Variants in MYO10 observed in about 807,000 individuals in gnomAD.
MYO10 encodes unconventional myosin-X.
In MYO10, 133 loss-of-function variants were observed where a neutral mutation model predicts 257.3. That is an observed-to-expected ratio of 0.52 (90% CI 0.45 to 0.60). The LOEUF (loss-of-function observed/expected upper bound fraction) is 0.60, where lower values mean the gene tolerates loss of function less well. MYO10 is among the 20% of genes least tolerant of loss of function. MYO10 has a pLI of 0.00. For synonymous variants in MYO10, 1,104 were observed against 1,028.6 expected, an observed-to-expected ratio of 1.07 and a Z score of -1.40; for missense variants, 2,399 against 2,635.7, an observed-to-expected ratio of 0.91 and a Z score of 1.97.
At chr5:16,698,312 GA>G (rs1225281576) in intron 26 of MYO10, among the ~76,000 whole-genome samples, 1 of 152,162 alleles carries the variant, frequency 6.6e-6, no homozygotes, top group East Asian at 1.9e-4. Flanking sequence ...AGTGAGCCAT[GA>G]CCACACCACT....
intron 19 of MYO10, among the ~76,000 whole-genome samples, chr5:16,747,505 G>C (rs893521914): frequency 2.6e-5 from 4 of 152,178 alleles, no homozygotes; most frequent in African/African-American, 9.7e-5. Flanking sequence ...GGCTGAGACA[G>C]GCCCTGCAGA....
intron 4 of MYO10, among the ~76,000 whole-genome samples, chr5:16,787,935 G>A (rs1741637919): frequency 1.3e-5 from 2 of 152,154 alleles, no homozygotes; most frequent in East Asian, 1.9e-4. Context: ...TGGGATTACA[G>A]GCGCCTGCCA....
rs75480666 is a variant in MYO10 at position 16,903,864 on chromosome 5, T to C, written c.22-26157A>G. Among the ~76,000 whole-genome samples the C allele has an allele frequency of 3.3e-3, 508 of 152,332 alleles. 3 individuals carry two copies. The highest frequency in any genetic ancestry group is 0.012 in the African/African-American group (482 of 41,590). ...CTTAGATGGGAGTGAGGACCTGCGT[T>C]CCATGAGCTGAAGTATTTGAAAATG... On this transcript the variant is annotated intron_variant, in intron 1 of 40. Transcript: ENST00000513610.
intron 26 of MYO10, among the ~76,000 whole-genome samples, chr5:16,698,345 A>G (rs1304738930): frequency 6.6e-6 from 1 of 152,228 alleles, no homozygotes; most frequent in African/African-American, 2.4e-5. Context: ...TGGGTAACAG[A>G]GCAAGACCCT....
rs1221258323 is a variant in MYO10 at position 16,663,511 on chromosome 5, G to A, written c.*3181C>T. ...ACTACAGTCAGCCCTCAGTGTTCAT[G>A]TGGTCTGAATCCAACCACAGATAGA... On this transcript the variant is annotated 3_prime_UTR_variant, in exon 41 of 41. Coordinates refer to ENST00000513610, the MANE Select transcript of MYO10 (RefSeq NM_012334.3). The A allele has an allele frequency of 6.6e-6, 1 of 151,882 alleles. No homozygotes were observed. The highest frequency in any genetic ancestry group is 1.9e-4 in the East Asian group (1 of 5,172). 9.4% of individuals were successfully genotyped at this position (151,882 alleles called of 1,614,324 possible).
chr5:16,706,139 T>C (rs187160014), intron 21 of MYO10, among the ~76,000 whole-genome samples: 88 of 152,222 alleles, frequency 5.8e-4, no homozygotes, highest in Middle Eastern at 3.4e-3. Context: ...GCCAAGATCA[T>C]GCTGCTGCAC....
intron 19 of MYO10, 28 bp from the exon 20 acceptor site, chr5:16,711,273 A>G (rs770623870): frequency 4.4e-6 from 7 of 1,591,302 alleles, no homozygotes; most frequent in Middle Eastern, 1.7e-4. Context: ...AAAAGATGGG[A>G]TACCATTAGA....
At chr5:16,900,268 T>C (rs1455312315) in intron 1 of MYO10, among the ~76,000 whole-genome samples, 1 of 152,224 alleles carries the variant, frequency 6.6e-6, no homozygotes, top group Non-Finnish European at 1.5e-5. Flanking sequence ...GAAAAATATG[T>C]GCTTTCACCT....
intron 19 of MYO10, among the ~76,000 whole-genome samples, chr5:16,723,173 A>AT (rs1739221451): frequency 6.6e-6 from 1 of 152,050 alleles, no homozygotes; most frequent in Non-Finnish European, 1.5e-5. Context: ...TCATGAGGTC[A>AT]GGAGATCGAG....
In MYO10 at chr5:16,668,364, A is replaced by C. The variant is rs1364140369; in HGVS notation, c.5988T>G (p.Tyr1996Ter). 1 of 1,614,012 alleles carries C rather than the reference A, an allele frequency of 6.2e-7. No individual in the cohort carries two copies. The highest frequency in any genetic ancestry group is 2.2e-5 in the East Asian group (1 of 44,866). ...GTGCCCCAAAAGAGAGGATGTGTTCATACTGGAAGACTTCCAGTGGTCTTC... is the reference window on the plus strand; with the variant it reads ...GTGCCCCAAAAGAGAGGATGTGTTCCTACTGGAAGACTTCCAGTGGTCTTC... ...GEGRPLEVFQ[Y>*]EHILSFGAPL... Residue 1996 changes from tyrosine to a stop codon, truncating the protein, a stop_gained, in exon 40 of 41, where the codon TAT becomes TAG. Transcript: ENST00000513610. LOFTEE classifies it high-confidence loss of function.
At chr5:16,752,502 C>T (rs1201946945) in intron 19 of MYO10, among the ~76,000 whole-genome samples, 15 of 152,216 alleles carry the variant, frequency 9.9e-5, no homozygotes, top group African/African-American at 2.2e-4. Context: ...AGGCTGGTTT[C>T]GAATTTCTGA....
intron 2 of MYO10, among the ~76,000 whole-genome samples, chr5:16,834,954 T>C (rs1743267548): frequency 6.6e-6 from 1 of 152,148 alleles, no homozygotes; most frequent in Non-Finnish European, 1.5e-5. Flanking sequence ...GGCAGGCGGA[T>C]CATGAGGTCA....
intron 19 of MYO10, among the ~76,000 whole-genome samples, chr5:16,753,358 G>A (rs1221739414): frequency 3.3e-5 from 5 of 151,854 alleles, no homozygotes; most frequent in African/African-American, 9.7e-5. Context: ...TAGTAGAGAC[G>A]TGGTTTCATC....
chr5:16,793,325 T>C (rs549576987), intron 4 of MYO10, among the ~76,000 whole-genome samples: 2 of 152,080 alleles, frequency 1.3e-5, no homozygotes, highest in Admixed American at 1.3e-4. Flanking sequence ...ATTAAGAAAT[T>C]TTATTTATTT....
chr5:16,913,447 A>G (rs1745728961), intron 1 of MYO10, among the ~76,000 whole-genome samples: 1 of 152,242 alleles, frequency 6.6e-6, no homozygotes, highest in Non-Finnish European at 1.5e-5. Flanking sequence ...TCTAAAGCTC[A>G]AGACTGAATG....
chr5:16,801,284 T>C lies in MYO10; in HGVS notation c.280-6451A>G, dbSNP rs1050783509. On this transcript the variant is annotated intron_variant, in intron 3 of 40. Coordinates refer to ENST00000513610, the MANE Select transcript of MYO10 (RefSeq NM_012334.3). ...GTGCAGTGGTGCAATCTCAGCTTAC[T>C]GCAGCCTCCGCCTCCCGGGTTAAAG... is the stretch of plus-strand genomic sequence containing the variant. Among the ~76,000 whole-genome samples the C allele has an allele frequency of 2.0e-5, 3 of 152,334 alleles. No homozygotes were observed. In the South Asian group the frequency reaches 6.2e-4, roughly 32 times the overall value.
At chr5:16,744,960 C>G (rs1740142855) in intron 19 of MYO10, among the ~76,000 whole-genome samples, 1 of 152,218 alleles carries the variant, frequency 6.6e-6, no homozygotes, top group African/African-American at 2.4e-5. Context: ...GAACGAATAT[C>G]TGACATTTTC....
At chr5:16,878,974 C>A (rs1314198621) in intron 1 of MYO10, among the ~76,000 whole-genome samples, 1 of 148,750 alleles carries the variant, frequency 6.7e-6, no homozygotes, top group Non-Finnish European at 1.5e-5. Context: ...CCCCCAAAAA[C>A]TAATGAAATT....
intron 2 of MYO10, among the ~76,000 whole-genome samples, chr5:16,818,404 G>GTATATATATATATATA (rs1742700026): frequency 8.4e-6 from 1 of 119,492 alleles, no homozygotes; most frequent in African/African-American, 3.3e-5. Flanking sequence ...GTGTGTGTGT[G>GTATATATATATATATA]TGTGTGTATA....
Sources: allele counts gnomAD v4.1 joint callset (sites outside exome capture counted in the v4.1 genomes callset), GRCh38; gene constraint gnomAD v4.1.1; transcripts MANE v1.5; gene names NCBI Gene and HGNC (gene_info 2026-07-23, HGNC 2026-07-21).